PTGR2: variants seen among roughly 807,000 people sequenced by gnomAD.
PTGR2 encodes the protein 15-oxoprostaglandin 13-reductase.
In PTGR2, 32 loss-of-function variants were observed where a neutral mutation model predicts 43.4. The observed-to-expected ratio is 0.74, with a 90% CI of 0.56 to 0.99. PTGR2 has a LOEUF of 0.99. Ranked by LOEUF, PTGR2 falls within the 50% of genes least tolerant of loss-of-function variation. The pLI, the probability that PTGR2 is intolerant of heterozygous loss-of-function variation, is 0.00. For synonymous variants in PTGR2, 106 were observed against 139.2 expected (o/e 0.76, Z 1.68); for missense variants, 373 against 420.0 (o/e 0.89, Z 0.98).
chr14:73,872,670 C>T (rs1277726145), intron 3 of PTGR2, among the ~76,000 whole-genome samples: 3 of 152,108 alleles, frequency 2.0e-5, no homozygotes, highest in Non-Finnish European at 4.4e-5. Context: ...TATTTAAAAA[C>T]AAATTTATTG....
At chr14:73,854,545 G>A (rs1037411577) in intron 1 of PTGR2, among the ~76,000 whole-genome samples, 3 of 152,112 alleles carry the variant, frequency 2.0e-5, no homozygotes, top group African/African-American at 7.2e-5. Flanking sequence ...TATTTTTCAT[G>A]CTGATAAGCA....
In PTGR2 at chr14:73,884,911, T is replaced by C. The variant is rs917635048; in HGVS notation, c.*734T>C. ...CTCCATATATATTGAGAAAAGCATA[T>C]GTTTATTTTAGGTTAGCAGGCACAT... On this transcript the variant is annotated 3_prime_UTR_variant, in exon 10 of 10. Transcript: ENST00000555661. 1 of 152,190 alleles carries C rather than the reference T, an allele frequency of 6.6e-6. No homozygotes were observed. Among genetic ancestry groups the C allele is most frequent in the Non-Finnish European group, 1.5e-5 (1 of 68,046 alleles). The allele number at this position is 152,190 out of a possible 1,614,324, so 9.4% of individuals were successfully genotyped here. A position where few individuals can be genotyped will look rare whatever the true frequency, so the allele number is the denominator to read the frequency against.
intron 6 of PTGR2, 30 bp from the exon 7 acceptor site, chr14:73,880,014 CATAGGAAAGGG>C: frequency 6.2e-7 from 1 of 1,603,278 alleles, no homozygotes; most frequent in Non-Finnish European, 8.5e-7. Flanking sequence ...AATCAGTAAA[CATAGGAAAGGG>C]ATATTTTATC....
intron 4 of PTGR2, 37 bp from the exon 5 acceptor site, chr14:73,876,961 T>A: frequency 1.3e-6 from 2 of 1,514,680 alleles, no homozygotes; most frequent in Non-Finnish European, 1.8e-6. Context: ...AAAACAGGAA[T>A]TCCTAGTATT....
chr14:73,875,824 T>C (rs989245215), intron 4 of PTGR2, among the ~76,000 whole-genome samples: 9 of 145,084 alleles, frequency 6.2e-5, no homozygotes, highest in Admixed American at 4.1e-4. Context: ...AAGTTTCTTT[T>C]TTTTTTTTTT....
intron 1 of PTGR2, among the ~76,000 whole-genome samples, chr14:73,854,651 G>A (rs533427316): frequency 1.3e-5 from 2 of 152,122 alleles, no homozygotes; most frequent in African/African-American, 2.4e-5. Context: ...ATTTCATTTG[G>A]AAAGACTGCT....
chr14:73,877,174 C>G lies in PTGR2; in HGVS notation c.519+6C>G. The G allele has an allele frequency of 1.3e-6, 2 of 1,594,540 alleles. No individual in the cohort carries two copies. The highest frequency in any genetic ancestry group is 1.7e-6 in the Non-Finnish European group (2 of 1,172,816). On this transcript the variant is annotated splice_donor_region_variant and intron_variant, in intron 5 of 9. Transcript: ENST00000555661. ...GTGGATCTGTGGCTGGGCAGGTAAACTTTCTGAGAATTATTTGATTTTCTG... is the reference window on the plus strand; with the variant it reads ...GTGGATCTGTGGCTGGGCAGGTAAAGTTTCTGAGAATTATTTGATTTTCTG...
intron 8 of PTGR2, among the ~76,000 whole-genome samples, chr14:73,881,510 C>A (rs2054986658): frequency 6.6e-6 from 1 of 152,074 alleles, no homozygotes; most frequent in South Asian, 2.1e-4. Context: ...AATTTTTTAG[C>A]TTTACTTTCC....
intron 8 of PTGR2, among the ~76,000 whole-genome samples, chr14:73,881,721 G>A (rs1268148694): frequency 6.8e-6 from 1 of 147,716 alleles, no homozygotes; most frequent in Non-Finnish European, 1.5e-5. Flanking sequence ...GTTGTTGATC[G>A]AAAATCAGGA....
chr14:73,876,082 G>A (rs1189875268), intron 4 of PTGR2, among the ~76,000 whole-genome samples: 3 of 151,944 alleles, frequency 2.0e-5, no homozygotes, highest in African/African-American at 7.2e-5. Flanking sequence ...GCCTCCTTAA[G>A]TACTGGGATT....
intron 3 of PTGR2, 120 bp downstream of exon 3, chr14:73,860,777 T>TCTG: frequency 3.4e-6 from 2 of 581,642 alleles, no homozygotes; most frequent in Non-Finnish European, 3.1e-6. Context: ...CAGTTATATA[T>TCTG]TGATACCTTT....
At chr14:73,875,244 C>T (rs2054831675) in intron 4 of PTGR2, among the ~76,000 whole-genome samples, 2 of 152,040 alleles carry the variant, frequency 1.3e-5, no homozygotes, top group South Asian at 2.1e-4. Context: ...CCGATCCTCC[C>T]GCCTCAGCCC....
chr14:73,875,748 T>A (rs1269390451), intron 4 of PTGR2, among the ~76,000 whole-genome samples: 1 of 152,034 alleles, frequency 6.6e-6, no homozygotes, highest in Non-Finnish European at 1.5e-5. Flanking sequence ...CTTTTTTTTT[T>A]TTTTTCCCAT....
At chr14:73,860,454 A>G (rs2054461314) in intron 2 of PTGR2, 85 bp from the exon 3 acceptor site, 1 of 657,056 alleles carries the variant, frequency 1.5e-6, no homozygotes, top group Non-Finnish European at 2.6e-6. Context: ...GTGATAGAGC[A>G]AGACTCTGTC....
At chr14:73,865,472 C>T (rs532582533) in intron 3 of PTGR2, among the ~76,000 whole-genome samples, 9 of 152,318 alleles carry the variant, frequency 5.9e-5, no homozygotes, top group Middle Eastern at 3.4e-3. Flanking sequence ...ACAGACTCAC[C>T]TGCTAGTTAC....
chr14:73,862,579 G>C (rs2054518154), intron 3 of PTGR2, among the ~76,000 whole-genome samples: 1 of 152,198 alleles, frequency 6.6e-6, no homozygotes, highest in East Asian at 1.9e-4. Flanking sequence ...CCCGTACAAA[G>C]GATCGCTTAT....
chr14:73,866,063 G>A (rs1335443458), intron 3 of PTGR2, among the ~76,000 whole-genome samples: 7 of 151,240 alleles, frequency 4.6e-5, no homozygotes, highest in African/African-American at 9.7e-5. Context: ...GTGCAGTGGC[G>A]CTATCTTGGC....
At chr14:73,877,720 T>C (rs2054897287) in intron 5 of PTGR2, 1 of 152,214 alleles carries the variant, frequency 6.6e-6, no homozygotes, top group South Asian at 2.1e-4. Context: ...ATGCTAAAGC[T>C]TTGCTTTCAT....
Position 73,871,437 on chromosome 14 carries a change from T to G in PTGR2, c.157-2586T>G, listed in dbSNP as rs542363147. Among the ~76,000 whole-genome samples the G allele has an allele frequency of 1.7e-4, 26 of 151,844 alleles. No homozygotes were observed. In the South Asian group the frequency reaches 5.2e-3, roughly 30 times the overall value. ...TTATTTGGCTATTCATCTATATCCT[T>G]TGTAATATCCTTTATAATAAACAGT... On this transcript the variant is annotated intron_variant, in intron 3 of 9. Coordinates refer to ENST00000555661, the MANE Select transcript of PTGR2 (RefSeq NM_001146154.2).
Sources: allele counts gnomAD v4.1 joint callset (sites outside exome capture counted in the v4.1 genomes callset), GRCh38; gene constraint gnomAD v4.1.1; transcripts MANE v1.5; gene names NCBI Gene and HGNC (gene_info 2026-07-23, HGNC 2026-07-21).